Variants in COL15A1 observed in about 807,000 individuals in gnomAD.
COL15A1 encodes collagen type XV alpha 1 chain.
A neutral mutation model predicts 165.9 loss-of-function variants in COL15A1; 111 were observed. The observed-to-expected ratio is 0.67, with a 90% CI of 0.57 to 0.78. COL15A1 has a LOEUF of 0.78. Among genes scored for constraint, COL15A1 ranks in the 30% least tolerant of loss-of-function variants. The pLI is 0.00. For missense variants in COL15A1, 1,745 were observed against 1,789.7 expected (o/e 0.98, Z 0.45); for synonymous variants, 659 against 674.8 (o/e 0.98, Z 0.36).
rs1399354467 is a variant in COL15A1, at chr9:98,996,973, A to G, written c.844A>G (p.Thr282Ala). 1 of 1,613,696 alleles carries G rather than the reference A, an allele frequency of 6.2e-7. No homozygotes were observed. Among genetic ancestry groups the G allele is most frequent in the Admixed American group, 1.7e-5 (1 of 59,966 alleles). ...AGTTGAACCCATAAACACACCTCCA[A>G]CTCCATCCTCCCCCTTTGAAGACAT... ...AKVEPINTPPTPSSPFEDMEL... is the reference protein window; with the variant it reads ...AKVEPINTPPAPSSPFEDMEL... Residue 282 changes from threonine (T) to alanine (A), a missense_variant, in exon 6 of 42, where the codon ACT becomes GCT. By Grantham distance (58) the Thr-to-Ala change is moderately conservative (BLOSUM62 0). Transcript: ENST00000375001.
chr9:99,011,110 C>G (rs1047167947), intron 9 of COL15A1, among the ~76,000 whole-genome samples: 10 of 152,068 alleles, frequency 6.6e-5, no homozygotes, highest in African/African-American at 1.9e-4. Flanking sequence ...CAGAAAAGAG[C>G]AAGATGCAAT....
intron 2 of COL15A1, among the ~76,000 whole-genome samples, chr9:98,972,615 G>A (rs1372981338): frequency 1.3e-5 from 2 of 152,224 alleles, no homozygotes; most frequent in South Asian, 2.1e-4. Flanking sequence ...CAGCAAGCCT[G>A]CAGAAAATTT....
At chr9:98,968,281 TA>T (rs1837989261) in intron 2 of COL15A1, among the ~76,000 whole-genome samples, 1 of 152,226 alleles carries the variant, frequency 6.6e-6, no homozygotes, top group Admixed American at 6.5e-5. Context: ...GTGAGTTTCC[TA>T]GGGCTGCGGT....
chr9:99,018,646 A>C (rs1438462720), intron 11 of COL15A1, among the ~76,000 whole-genome samples: 1 of 151,788 alleles, frequency 6.6e-6, no homozygotes, highest in Admixed American at 6.5e-5. Context: ...AGATTAATTG[A>C]ATTAAAGTAT....
intron 4 of COL15A1, among the ~76,000 whole-genome samples, chr9:98,988,372 G>A (rs1330987266): frequency 6.6e-6 from 1 of 152,026 alleles, no homozygotes; most frequent in African/African-American, 2.4e-5. Flanking sequence ...ACAACCCAAG[G>A]GTCCAAGAAC....
At chr9:99,018,973 AAG>A (rs371946808) in intron 11 of COL15A1, among the ~76,000 whole-genome samples, 44 of 149,572 alleles carry the variant, frequency 2.9e-4, no homozygotes, top group Non-Finnish European at 2.8e-4. Context: ...TCTGAGAAGG[AAG>A]AGAGAGAGAG....
At chr9:99,058,876 T>G (rs887813224) in intron 35 of COL15A1, among the ~76,000 whole-genome samples, 1 of 152,104 alleles carries the variant, frequency 6.6e-6, no homozygotes, top group African/African-American at 2.4e-5. Context: ...GAACTGAACA[T>G]TTGCTTGCAA....
intron 24 of COL15A1, 148 bp from the exon 25 acceptor site, chr9:99,044,420 A>T: frequency 1.4e-6 from 1 of 699,052 alleles, no homozygotes. Context: ...TGGGGTTTCA[A>T]GTAGGATGAA....
At chr9:99,028,351 G>A (rs1346407213) in intron 16 of COL15A1, among the ~76,000 whole-genome samples, 1 of 152,014 alleles carries the variant, frequency 6.6e-6, no homozygotes. Flanking sequence ...AGGACCCAAA[G>A]GCATAAGAAT....
intron 36 of COL15A1, 25 bp from the exon 37 acceptor site, chr9:99,061,945 TG>T: frequency 2.5e-6 from 4 of 1,602,756 alleles, no homozygotes; most frequent in Non-Finnish European, 3.4e-6. Context: ...ATAATGGCAG[TG>T]TTTGGAATTT....
intron 21 of COL15A1, among the ~76,000 whole-genome samples, chr9:99,037,658 A>G (rs1449537882): frequency 6.6e-6 from 1 of 152,272 alleles, no homozygotes; most frequent in African/African-American, 2.4e-5. Flanking sequence ...GGGCTGTAAC[A>G]GAGCTGTAAC....
chr9:98,968,478 C>T (rs1837992279), intron 2 of COL15A1, among the ~76,000 whole-genome samples: 1 of 152,164 alleles, frequency 6.6e-6, no homozygotes, highest in African/African-American at 2.4e-5. Flanking sequence ...CTTGTGTCCA[C>T]TTCATTTTAA....
intron 35 of COL15A1, among the ~76,000 whole-genome samples, chr9:99,058,674 G>A (rs1211228797): frequency 2.0e-5 from 3 of 152,220 alleles, no homozygotes; most frequent in African/African-American, 7.2e-5. Context: ...GCAACCCTGG[G>A]AGGAAGATAA....
intron 2 of COL15A1, among the ~76,000 whole-genome samples, chr9:98,944,779 C>T (rs1837550493): frequency 6.6e-6 from 1 of 152,236 alleles, no homozygotes; most frequent in Admixed American, 6.5e-5. Flanking sequence ...TGGGCAGTGG[C>T]TCCACCGGTG....
At position 99,035,358 on chromosome 9, in the gene COL15A1, A is replaced by G; in HGVS notation, c.2229A>G (p.Glu743=). The change falls in exon 19 of 42, where the codon GAA becomes GAG. Residue 743 remains glutamate (E), a synonymous_variant. Transcript: ENST00000375001. ...TCTTGCTCCTTCCCCAGGATACCGA[A>G]GGCTCTGGAAGCACCCAGCTATTGA... is the stretch of plus-strand genomic sequence containing the variant. ...CTMGLGFEDT[E]GSGSTQLLNE... is the part of the protein sequence containing the mutation. The G allele has an allele frequency of 1.2e-6, 2 of 1,614,146 alleles. No individual in the cohort carries two copies. The highest frequency in any genetic ancestry group is 1.7e-6 in the Non-Finnish European group (2 of 1,180,020).
At chr9:98,986,809 G>A (rs1838322243) in intron 3 of COL15A1, among the ~76,000 whole-genome samples, 1 of 152,216 alleles carries the variant, frequency 6.6e-6, no homozygotes, top group South Asian at 2.1e-4. Flanking sequence ...AACACAAAGG[G>A]CAATTTTTAA....
intron 9 of COL15A1, among the ~76,000 whole-genome samples, chr9:99,009,362 A>G (rs1224637911): frequency 1.3e-5 from 2 of 152,200 alleles, no homozygotes; most frequent in Non-Finnish European, 2.9e-5. Context: ...ATTTCATACA[A>G]CTCTGAGCAC....
chr9:99,000,762 G>A, intron 6 of COL15A1, 77 bp from the exon 7 acceptor site: 1 of 767,550 alleles, frequency 1.3e-6, no homozygotes, highest in Non-Finnish European at 2.3e-6. Flanking sequence ...TTCCAAGTTA[G>A]CTGGTGAAGA....
chr9:99,015,698 C>T, intron 10 of COL15A1, 132 bp downstream of exon 10: 1 of 878,830 alleles, frequency 1.1e-6, no homozygotes, highest in Non-Finnish European at 1.8e-6. Flanking sequence ...TGGGCAGCTG[C>T]TGGAGGGAGG....
Sources: gnomAD v4.1 joint callset for allele counts (sites outside exome capture counted in the v4.1 genomes callset) on GRCh38, gnomAD v4.1.1 for gene constraint, MANE v1.5 for transcripts, NCBI Gene and HGNC (gene_info 2026-07-23, HGNC 2026-07-21) for gene names.